The following LARGE1 variants were observed in gnomAD, a reference collection of about 807,000 sequenced individuals.
LARGE1 encodes the protein xylosyl- and glucuronyltransferase LARGE1.
LARGE1 carries 43 observed loss-of-function variants against 87.6 expected under a neutral mutation model. The ratio of observed to expected loss-of-function variants is 0.49; its 90% CI spans 0.38 to 0.63. The LOEUF (loss-of-function observed/expected upper bound fraction) is 0.63, where lower values mean the gene tolerates loss of function less well. Ranked by LOEUF, LARGE1 falls within the 30% of genes least tolerant of loss-of-function variation. LARGE1 has a pLI of 0.00. For synonymous variants in LARGE1, 434 were observed against 394.6 expected (o/e 1.10, Z -1.18); for missense variants, 802 against 1,000.2 (o/e 0.80, Z 2.67).
intron 2 of LARGE1, among the ~76,000 whole-genome samples, chr22:33,687,024 C>T (rs561675905): frequency 1.3e-4 from 20 of 152,280 alleles, no homozygotes; most frequent in South Asian, 6.2e-4. Context: ...ATCTCTTCCT[C>T]GTTGCTGTCC....
chr22:33,101,197 G>A, the LARGE1 span, among the ~76,000 whole-genome samples: 1 of 152,102 alleles, frequency 6.6e-6, no homozygotes, highest in Non-Finnish European at 1.5e-5. Flanking sequence ...ATTGGAGGTA[G>A]AATGCCTGCA....
chr22:33,108,909 G>A, the LARGE1 span, among the ~76,000 whole-genome samples: 2 of 151,994 alleles, frequency 1.3e-5, no homozygotes, highest in African/African-American at 4.8e-5. Flanking sequence ...TAAGGTCCTG[G>A]CTCCACATTT....
At chr22:33,588,951 A>G (rs2078758086) in intron 5 of LARGE1, among the ~76,000 whole-genome samples, 1 of 152,222 alleles carries the variant, frequency 6.6e-6, no homozygotes, top group Non-Finnish European at 1.5e-5. Context: ...GACTCAAGCT[A>G]TCTGGTGTCT....
intron 6 of LARGE1, among the ~76,000 whole-genome samples, chr22:33,556,083 C>T (rs1232341394): frequency 1.3e-5 from 2 of 152,126 alleles, no homozygotes; most frequent in Admixed American, 1.3e-4. Flanking sequence ...CCTTTAGAAG[C>T]CCTCCTGACT....
the LARGE1 span, among the ~76,000 whole-genome samples, chr22:33,106,719 C>T: frequency 6.6e-6 from 1 of 152,186 alleles, no homozygotes; most frequent in Non-Finnish European, 1.5e-5. Context: ...TGGTCTTGAA[C>T]TCCTGAAGTC....
the LARGE1 span, among the ~76,000 whole-genome samples, chr22:33,069,058 A>C: frequency 4.6e-5 from 7 of 152,130 alleles, no homozygotes; most frequent in African/African-American, 1.7e-4. Context: ...GACAAGTTGG[A>C]TCTCCCAGTC....
intron 11 of LARGE1, among the ~76,000 whole-genome samples, chr22:33,259,221 T>C (rs376205029): frequency 1.3e-5 from 2 of 152,102 alleles, no homozygotes; most frequent in Admixed American, 6.6e-5. Context: ...TTTATCTGAT[T>C]CCTGTTCCCA....
chr22:33,436,119 C>T (rs2067261552), intron 6 of LARGE1, among the ~76,000 whole-genome samples: 1 of 152,166 alleles, frequency 6.6e-6, no homozygotes, highest in Non-Finnish European at 1.5e-5. Flanking sequence ...CTCAGGCTGC[C>T]TGGTTCCGGT....
intron 2 of LARGE1, among the ~76,000 whole-genome samples, chr22:33,700,335 T>C (rs1026608003): frequency 6.6e-6 from 1 of 152,162 alleles, no homozygotes; most frequent in African/African-American, 2.4e-5. Flanking sequence ...CTATCTACCA[T>C]CAACTTGACC....
At position 33,316,118 on chromosome 22, in the gene LARGE1, T is replaced by A. The variant is rs1270291587; in HGVS notation, c.1418A>T (p.Asp473Val). The stretch of plus-strand genomic sequence containing the variant: ...GGACAGCTGAGCGACCAGGGTGACG[T>A]CCGTGCTGTCTGCTGCAGGCTCATA... ...YEYEPAADST[D>V]VTLVAQLSMD... The change falls in exon 11 of 15, where the codon GAC (aspartate) becomes GTC (valine). Residue 473 changes from aspartate to valine, a missense_variant. Coordinates refer to ENST00000397394, the MANE Select transcript of LARGE1 (RefSeq NM_133642.5). The A allele has an allele frequency of 1.9e-6, 3 of 1,614,030 alleles. No individual in the cohort carries two copies. Among genetic ancestry groups the A allele is most frequent in the Non-Finnish European group, 2.5e-6 (3 of 1,179,964 alleles).
intron 1 of LARGE1, among the ~76,000 whole-genome samples, chr22:33,762,614 C>T (rs762683567): frequency 2.0e-5 from 3 of 152,164 alleles, no homozygotes; most frequent in Non-Finnish European, 2.9e-5. Flanking sequence ...ACCATCAAAA[C>T]ATGCAGAGAA....
chr22:33,274,273 G>A lies in LARGE1; in HGVS notation c.*154C>T. Reference sequence around the variant, plus strand: ...GGGACTGGCTGGATCCTTGTCCAAGGTCTCTGTAGTGAGGGCAGCTTGGCT... The same window carrying A: ...GGGACTGGCTGGATCCTTGTCCAAGATCTCTGTAGTGAGGGCAGCTTGGCT... On this transcript the variant is annotated 3_prime_UTR_variant, in exon 15 of 15. Transcript: ENST00000397394. The A allele has an allele frequency of 1.3e-6, 1 of 762,906 alleles. No individual in the cohort carries two copies. 47.3% of individuals were successfully genotyped at this position (762,906 alleles called of 1,614,324 possible).
At chr22:33,845,158 A>C (rs1437204817) in intron 1 of LARGE1, among the ~76,000 whole-genome samples, 1 of 152,130 alleles carries the variant, frequency 6.6e-6, no homozygotes, top group Non-Finnish European at 1.5e-5. Flanking sequence ...CACTTACCTG[A>C]GTCTCTCTCC....
intron 7 of LARGE1, among the ~76,000 whole-genome samples, chr22:33,417,249 A>C (rs1049827080): frequency 6.6e-6 from 1 of 152,114 alleles, no homozygotes; most frequent in African/African-American, 2.4e-5. Context: ...GATTCCAGGC[A>C]CCTAGTATCT....
intron 6 of LARGE1, among the ~76,000 whole-genome samples, chr22:33,442,508 G>C (rs568385674): frequency 1.2e-4 from 19 of 152,220 alleles, no homozygotes; most frequent in Admixed American, 1.2e-3. Flanking sequence ...CCTCTGAAAG[G>C]GGGTGGTCAC....
chr22:33,686,859 C>T (rs957550993), intron 2 of LARGE1, among the ~76,000 whole-genome samples: 5 of 152,198 alleles, frequency 3.3e-5, no homozygotes, highest in African/African-American at 1.2e-4. Context: ...AATTATCCAT[C>T]GTTTATCTGA....
At chr22:33,905,726 C>T (rs2065426542) in intron 1 of LARGE1, among the ~76,000 whole-genome samples, 1 of 152,188 alleles carries the variant, frequency 6.6e-6, no homozygotes, top group African/African-American at 2.4e-5. Context: ...AGGACCTCAA[C>T]ATACCAATTT....
At chr22:33,556,565 A>AG (rs2077693013) in intron 6 of LARGE1, among the ~76,000 whole-genome samples, 1 of 50,036 alleles carries the variant, frequency 2.0e-5, no homozygotes, top group African/African-American at 8.9e-5. Context: ...GGAGGGAGGG[A>AG]GGCAGGCAGG....
At chr22:33,183,620 GCACACACACACA>G (rs56262703) in intron 11 of LARGE1, among the ~76,000 whole-genome samples, 3 of 137,832 alleles carry the variant, frequency 2.2e-5, no homozygotes, top group African/African-American at 5.9e-5. Flanking sequence ...ACACACACAC[GCACACACACACA>G]CACACACACA....
Sources: allele counts gnomAD v4.1 joint callset (sites outside exome capture counted in the v4.1 genomes callset), GRCh38; gene constraint gnomAD v4.1.1; transcripts MANE v1.5; gene names NCBI Gene and HGNC (gene_info 2026-07-23, HGNC 2026-07-21).